RPS13: variants seen among roughly 807,000 people sequenced by gnomAD.
RPS13 encodes the protein ribosomal protein S13.
In RPS13, 1 loss-of-function variant was observed where a neutral mutation model predicts 24.6. That is an observed-to-expected ratio of 0.04 (90% CI 0.01 to 0.19). The LOEUF is 0.19. RPS13 is among the 10% of genes least tolerant of loss of function. RPS13 has a pLI of 1.00. For missense variants in RPS13, 88 were observed against 187.4 expected, an observed-to-expected ratio of 0.47 and a Z score of 3.10; for synonymous variants, 69 against 65.3, an observed-to-expected ratio of 1.06 and a Z score of -0.27.
chr11:17,076,614 C>G, intron 3 of RPS13: 1 of 385,054 alleles, frequency 2.6e-6, no homozygotes, highest in South Asian at 1.9e-5. Context: ...GTGGCTTCAT[C>G]ATAGCTCACT....
At chr11:17,075,985 A>C in intron 3 of RPS13, 1 of 366,294 alleles carries the variant, frequency 2.7e-6, no homozygotes, top group Non-Finnish European at 5.4e-6. Context: ...TTAAACCTCT[A>C]ATGAGCTCTG....
At chr11:17,076,842 C>G in intron 3 of RPS13, 1 of 430,346 alleles carries the variant, frequency 2.3e-6, no homozygotes, top group Non-Finnish European at 4.3e-6. Flanking sequence ...CCACACCTAA[C>G]TGTGAGGAAC....
rs761991985 is a variant in RPS13, at chr11:17,077,178, A to G, written c.141T>C (p.Pro47=). The change falls in exon 3 of 6, where the codon CCT becomes CCC. Residue 47 remains proline (P), a synonymous_variant. Transcript: ENST00000525634. The stretch of plus-strand genomic sequence containing the variant: ...GACACAAACACTCACCGATCTGTGA[A>G]GGAGTAAGGCCCTTCTTGGCCAGTT... The part of the protein sequence containing the change: ...IYKLAKKGLT[P]SQIGVILRDS... 10 of 1,612,600 alleles carry G rather than the reference A, an allele frequency of 6.2e-6. No homozygotes were observed. The highest frequency in any genetic ancestry group is 8.5e-6 in the Non-Finnish European group (10 of 1,178,796).
At chr11:17,076,295 A>T in intron 3 of RPS13, 1 of 233,178 alleles carries the variant, frequency 4.3e-6, no homozygotes, top group South Asian at 4.1e-5. Context: ...CAGAGGCAGG[A>T]GAATTGCTTG....
intron 5 of RPS13, chr11:17,074,835 T>C (rs1270807538): frequency 1.5e-6 from 1 of 648,914 alleles, no homozygotes; most frequent in East Asian, 2.9e-5. Context: ...AAAGGGCTTA[T>C]TCATGGTCTA....
At chr11:17,076,071 A>G (rs1848021279) in intron 3 of RPS13, 1 of 281,388 alleles carries the variant, frequency 3.6e-6, no homozygotes, top group Non-Finnish European at 7.1e-6. Flanking sequence ...AGGAGTACAG[A>G]TATTTTGCAC....
At chr11:17,077,134 G>A (rs777532073) in intron 3 of RPS13, 34 bp downstream of exon 3, 4 of 1,510,672 alleles carry the variant, frequency 2.6e-6, no homozygotes, top group East Asian at 2.3e-5. Flanking sequence ...CACGAGGACA[G>A]GCGAAATAGG....
chr11:17,075,339 C>G (rs1848010126), intron 4 of RPS13, 115 bp downstream of exon 4: 1 of 1,014,328 alleles, frequency 9.9e-7, no homozygotes. Context: ...CAAAGCAGCA[C>G]TACACTGGTT....
chr11:17,075,760 G>A (rs1209897607), intron 3 of RPS13, 137 bp from the exon 4 acceptor site: 4 of 730,836 alleles, frequency 5.5e-6, no homozygotes, highest in Non-Finnish European at 9.7e-6. Context: ...AGAAACCAAC[G>A]TGAGAATGCA....
chr11:17,075,857 T>A (rs913196239), intron 3 of RPS13: 1 of 635,140 alleles, frequency 1.6e-6, no homozygotes, highest in Non-Finnish European at 2.9e-6. Flanking sequence ...TGGAAAACCA[T>A]CATCACAGTG....
At chr11:17,075,989 A>T in intron 3 of RPS13, 1 of 353,032 alleles carries the variant, frequency 2.8e-6, no homozygotes, top group Non-Finnish European at 5.6e-6. Flanking sequence ...ACCTCTAATG[A>T]GCTCTGACTA....
intron 3 of RPS13, 70 bp from the exon 4 acceptor site, chr11:17,075,693 C>T: frequency 7.9e-7 from 1 of 1,261,636 alleles, no homozygotes; most frequent in Non-Finnish European, 1.1e-6. Context: ...TGTCAAGGCT[C>T]AGAAATCAGG....
intron 3 of RPS13, 51 bp from the exon 4 acceptor site, chr11:17,075,674 A>T: frequency 2.1e-6 from 3 of 1,398,870 alleles, no homozygotes; most frequent in Non-Finnish European, 3.0e-6. Context: ...AAACTGGAGA[A>T]TGTGATGATG....
chr11:17,076,717 G>T, intron 3 of RPS13: 1 of 313,230 alleles, frequency 3.2e-6, no homozygotes. Flanking sequence ...TTTTTTGGGC[G>T]GGGGAGTCGG....
Position 17,077,462 on chromosome 11 carries a change from C to G in RPS13, c.39G>C (p.Gln13His). 6.2e-7 allele frequency: 1 copy of G among 1,613,586 alleles called. No individual in the cohort carries two copies. The highest frequency in any genetic ancestry group is 8.5e-7 in the Non-Finnish European group (1 of 1,179,884). The change falls in exon 2 of 6, where the codon CAG (glutamine) becomes CAC (histidine). Residue 13 changes from glutamine (Q) to histidine (H), a missense_variant. By Grantham distance (24) the Gln-to-His change is conservative. Coordinates refer to ENST00000525634, the MANE Select transcript of RPS13 (RefSeq NM_001017.3). ...RMHAPGKGLS[Q>H]SALPYRRSVP... ...CGCTGCGTCGATAGGGTAAAGCCGACTGGGACAGGCCCTTCCTGGGGAGAG... is the reference window on the plus strand; with the variant it reads ...CGCTGCGTCGATAGGGTAAAGCCGAGTGGGACAGGCCCTTCCTGGGGAGAG...
chr11:17,075,083 G>A lies in RPS13; in HGVS notation c.422+14C>T, dbSNP rs755766036. On this transcript the variant is annotated intron_variant, in intron 5 of 5. Transcript: ENST00000525634. ...CCTATTCTTGATAACAACGACAAAA[G>A]AGTTGATACTTACTATTTCCAATTG... 1 of 1,546,914 alleles carries A rather than the reference G, an allele frequency of 6.5e-7. No homozygotes were observed. Among genetic ancestry groups the A allele is most frequent in the Non-Finnish European group, 8.9e-7 (1 of 1,129,252 alleles).
chr11:17,077,502 T>G (rs963472752), intron 1 of RPS13, 25 bp from the exon 2 acceptor site: 1 of 1,613,576 alleles, frequency 6.2e-7, no homozygotes, highest in South Asian at 1.1e-5. Flanking sequence ...AGTCTCGAGG[T>G]GAGGTGGCGG....
intron 3 of RPS13, chr11:17,075,908 TC>T: frequency 1.9e-6 from 1 of 530,786 alleles, no homozygotes. Context: ...TTAATGAGAT[TC>T]CACAGCTAAC....
chr11:17,075,248 C>T (rs1428010485), intron 4 of RPS13, 51 bp from the exon 5 acceptor site: 1 of 1,232,354 alleles, frequency 8.1e-7, no homozygotes, highest in Non-Finnish European at 1.2e-6. Flanking sequence ...AATGACCTAA[C>T]ATTATCAAAC....
Sources: gnomAD v4.1 joint callset for allele counts on GRCh38, gnomAD v4.1.1 for gene constraint, MANE v1.5 for transcripts, NCBI Gene and HGNC (gene_info 2026-07-23, HGNC 2026-07-21) for gene names.